The following CERKL variants were observed in gnomAD, a reference collection of about 807,000 sequenced individuals.
CERKL encodes the protein ceramide kinase-like protein.
CERKL carries 61 observed loss-of-function variants against 63.4 expected under a neutral mutation model. That is an observed-to-expected ratio of 0.96 (90% CI 0.78 to 1.19). CERKL has a LOEUF of 1.19. Ranked by LOEUF, CERKL falls within the 50% of genes most tolerant of loss-of-function variation. The pLI, the probability that CERKL is intolerant of heterozygous loss-of-function variation, is 0.00. For synonymous variants in CERKL, 250 were observed against 230.5 expected (o/e 1.08, Z -0.77); for missense variants, 675 against 655.5 (o/e 1.03, Z -0.33).
At chr2:181,565,368 T>A (rs1688616772) in intron 4 of CERKL, 2 of 1,098,108 alleles carry the variant, frequency 1.8e-6, no homozygotes, top group African/African-American at 1.5e-5. Context: ...TACACATCAG[T>A]CCAACACTTT....
At chr2:181,634,817 T>A (rs1422283928) in intron 1 of CERKL, among the ~76,000 whole-genome samples, 3 of 152,178 alleles carry the variant, frequency 2.0e-5, no homozygotes, top group African/African-American at 7.2e-5. Flanking sequence ...AATAAGTAAC[T>A]GCTGCAACAT....
intron 1 of CERKL, among the ~76,000 whole-genome samples, chr2:181,630,744 T>C (rs1899271): frequency 0.23 from 35,417 of 152,172 alleles, 7,148 homozygotes; most frequent in African/African-American, 0.55. Context: ...TCCCAGGCTG[T>C]AGTATTTTGC....
At chr2:181,623,302 C>A (rs1449205706) in intron 1 of CERKL, among the ~76,000 whole-genome samples, 2 of 151,968 alleles carry the variant, frequency 1.3e-5, no homozygotes, top group Non-Finnish European at 2.9e-5. Flanking sequence ...AAGTTACAGG[C>A]CAAATCAATA....
At chr2:181,592,844 C>A (rs1685044659) in intron 2 of CERKL, among the ~76,000 whole-genome samples, 4 of 152,092 alleles carry the variant, frequency 2.6e-5, no homozygotes, top group Non-Finnish European at 5.9e-5. Flanking sequence ...CATTCCATGA[C>A]ACACCAAGAA....
chr2:181,631,402 T>C (rs1172350335), intron 1 of CERKL, among the ~76,000 whole-genome samples: 1 of 152,136 alleles, frequency 6.6e-6, no homozygotes, highest in African/African-American at 2.4e-5. Context: ...CAGGGCTAAG[T>C]GGAGAAACAG....
intron 1 of CERKL, among the ~76,000 whole-genome samples, chr2:181,648,202 A>T (rs1211664396): frequency 1.3e-5 from 2 of 152,292 alleles, no homozygotes; most frequent in East Asian, 3.9e-4. Context: ...ATTAGATTAA[A>T]CCCAAAAAGA....
At position 181,538,018 on chromosome 2, in the gene CERKL, G is replaced by A. The variant is rs771308368; in HGVS notation, c.*166C>T. 1.5e-6 allele frequency: 1 copy of A among 689,486 alleles called. No homozygotes were observed. The highest frequency in any genetic ancestry group is 1.5e-5 in the South Asian group (1 of 66,248). The allele number at this position is 689,486 out of a possible 1,614,324, so 42.7% of individuals were successfully genotyped here. ...TCCTCAAGAGAATCTAATGCCTGAT[G>A]ATCTGAGGTGGAACAGTTCATCCTG... On this transcript the variant is annotated 3_prime_UTR_variant, in exon 13 of 13. Coordinates refer to ENST00000410087, the MANE Select transcript of CERKL (RefSeq NM_201548.5).
chr2:181,565,165 TC>T (rs1408298471), intron 4 of CERKL, among the ~76,000 whole-genome samples: 1 of 152,180 alleles, frequency 6.6e-6, no homozygotes, highest in Admixed American at 6.5e-5. Flanking sequence ...TTCAAATCAG[TC>T]TTTGGGAAGG....
intron 1 of CERKL, among the ~76,000 whole-genome samples, chr2:181,620,274 C>T (rs1686390510): frequency 6.6e-6 from 1 of 152,054 alleles, no homozygotes; most frequent in African/African-American, 2.4e-5. Flanking sequence ...TTCCTGAGGA[C>T]CTCAAGGATA....
chr2:181,567,676 A>AG (rs1688722870), intron 3 of CERKL, among the ~76,000 whole-genome samples: 1 of 152,188 alleles, frequency 6.6e-6, no homozygotes, highest in African/African-American at 2.4e-5. Context: ...AAAATGAATT[A>AG]GTCTTTGGCC....
At chr2:181,588,168 T>C (rs1332178339) in intron 2 of CERKL, among the ~76,000 whole-genome samples, 1 of 152,146 alleles carries the variant, frequency 6.6e-6, no homozygotes, top group African/African-American at 2.4e-5. Context: ...TAATTAACTA[T>C]ACTCACCATG....
At chr2:181,549,074 A>G (rs1045910881) in intron 6 of CERKL, among the ~76,000 whole-genome samples, 2 of 152,150 alleles carry the variant, frequency 1.3e-5, no homozygotes, top group Admixed American at 6.6e-5. Flanking sequence ...AGAGTACTAA[A>G]TTTTTCAGCT....
In CERKL at chr2:181,635,041, T is replaced by A. The variant is rs181428984; in HGVS notation, c.238+21728A>T. Among the ~76,000 whole-genome samples the A allele has an allele frequency of 5.9e-5, 9 of 152,308 alleles. No individual in the cohort carries two copies. In the East Asian group the frequency reaches 1.5e-3, roughly 26 times the overall value. On this transcript the variant is annotated intron_variant, in intron 1 of 12. Coordinates refer to ENST00000410087, the MANE Select transcript of CERKL (RefSeq NM_201548.5). ...TAGTTTTCCTAATTGTTGGGACTCA[T>A]ATTATTCTCTAAGAAGGTCAAATTT...
In CERKL at chr2:181,536,715, A is replaced by G. The variant is rs893624738; in HGVS notation, c.*1469T>C. ...TATTTTTATAGTTTGTTCATACTATATGAGGTTCTATTTTAAATGACTTTC... is the reference window on the plus strand; with the variant it reads ...TATTTTTATAGTTTGTTCATACTATGTGAGGTTCTATTTTAAATGACTTTC... On this transcript the variant is annotated 3_prime_UTR_variant, in exon 13 of 13. Coordinates refer to ENST00000410087, the MANE Select transcript of CERKL (RefSeq NM_201548.5). The G allele has an allele frequency of 4.2e-6, 1 of 237,264 alleles. No homozygotes were observed. Among genetic ancestry groups the G allele is most frequent in the African/African-American group, 2.3e-5 (1 of 43,182 alleles). 14.7% of individuals were successfully genotyped at this position (237,264 alleles called of 1,614,324 possible).
intron 3 of CERKL, among the ~76,000 whole-genome samples, chr2:181,569,477 T>C (rs757689663): frequency 2.0e-4 from 31 of 152,026 alleles, no homozygotes; most frequent in Non-Finnish European, 4.1e-4. Context: ...AGAGAAACAC[T>C]ATGAAGAGGC....
intron 2 of CERKL, among the ~76,000 whole-genome samples, chr2:181,596,606 A>C (rs1247929056): frequency 6.6e-6 from 1 of 152,246 alleles, no homozygotes; most frequent in Non-Finnish European, 1.5e-5. Context: ...TACATGAATC[A>C]GGAATGGGTA....
intron 1 of CERKL, among the ~76,000 whole-genome samples, chr2:181,634,447 G>C (rs775754108): frequency 2.6e-5 from 4 of 152,114 alleles, no homozygotes; most frequent in Non-Finnish European, 4.4e-5. Flanking sequence ...GCAGACAAAA[G>C]AGCATCAGTA....
At chr2:181,654,630 A>C (rs913638903) in intron 1 of CERKL, among the ~76,000 whole-genome samples, 3 of 152,112 alleles carry the variant, frequency 2.0e-5, no homozygotes, top group African/African-American at 7.2e-5. Flanking sequence ...CTACCATATC[A>C]TGTCCTCCCA....
chr2:181,583,802 G>A (rs1684640060), intron 2 of CERKL, among the ~76,000 whole-genome samples: 1 of 152,196 alleles, frequency 6.6e-6, no homozygotes, highest in Non-Finnish European at 1.5e-5. Context: ...TAATGTTACA[G>A]TTTAAATGTA....
Sources: gnomAD v4.1 joint callset for allele counts (sites outside exome capture counted in the v4.1 genomes callset) on GRCh38, gnomAD v4.1.1 for gene constraint, MANE v1.5 for transcripts, NCBI Gene and HGNC (gene_info 2026-07-23, HGNC 2026-07-21) for gene names.